Variants in AGBL1 observed in about 807,000 individuals in gnomAD.
AGBL1 encodes cytosolic carboxypeptidase 4.
Under a neutral mutation model 118.9 loss-of-function variants are expected in AGBL1, and 130 were observed. The observed-to-expected ratio is 1.09, with a 90% CI of 0.95 to 1.26. AGBL1 has a LOEUF of 1.26. AGBL1 is among the 50% of genes most tolerant of loss of function. The pLI, the probability that AGBL1 is intolerant of heterozygous loss-of-function variation, is 0.00. For synonymous variants in AGBL1, 555 were observed against 478.9 expected (o/e 1.16, Z -2.08); for missense variants, 1,584 against 1,298.1 (o/e 1.22, Z -3.38).
chr15:86,919,020 T>G (rs1183139974), downstream of AGBL1, among the ~76,000 whole-genome samples: 1 of 152,220 alleles, frequency 6.6e-6, no homozygotes, highest in Non-Finnish European at 1.5e-5. Context: ...AGTACTACTT[T>G]GAAGGCTGTG....
chr15:86,964,448 T>C lies in AGBL1; in HGVS notation c.3222-23539T>C, dbSNP rs181303951. 6.8e-4 allele frequency among the ~76,000 whole-genome samples: 104 copies of C among 151,990 alleles called. 1 individual carries two copies. Among genetic ancestry groups the C allele is most frequent in the Admixed American group, 1.7e-3 (26 of 15,246 alleles). Reference sequence around the variant, plus strand: ...AAAAATGTGTCCAGACATGGCCAAATGTCTCCTGGGAGAAAATCATCCCTG... The same window carrying C: ...AAAAATGTGTCCAGACATGGCCAAACGTCTCCTGGGAGAAAATCATCCCTG... On this transcript the variant is annotated intron_variant, in intron 23 of 24. Coordinates refer to the AGBL1 transcript ENST00000441037.
In AGBL1 at chr15:86,915,598, T is replaced by G. The variant is rs2080410247; in HGVS notation, c.*8304T>G. 6.6e-6 allele frequency: 1 copy of G among 152,164 alleles called. No individual in the cohort carries two copies. Among genetic ancestry groups the G allele is most frequent in the African/African-American group, 2.4e-5 (1 of 41,402 alleles). 9.4% of individuals were successfully genotyped at this position (152,164 alleles called of 1,614,324 possible). A position where few individuals can be genotyped will look rare whatever the true frequency, so the allele number is the denominator to read the frequency against. ...TGGAGAAACCCAGTCACAGCTTTTG[T>G]TGTATGGCATTGCCTGTGGACTTTG... On this transcript the variant is annotated 3_prime_UTR_variant, in exon 23 of 23. Transcript: ENST00000614907.
intron 9 of AGBL1, among the ~76,000 whole-genome samples, chr15:86,258,879 G>A (rs1303456916): frequency 6.6e-6 from 1 of 152,070 alleles, no homozygotes; most frequent in Admixed American, 6.5e-5. Flanking sequence ...GCTAATTTTT[G>A]TATTTTTAGT....
At chr15:86,279,571 C>G in intron 15 of AGBL1, 68 bp from the exon 16 acceptor site, 1 of 1,491,794 alleles carries the variant, frequency 6.7e-7, no homozygotes, top group Non-Finnish European at 9.3e-7. Context: ...CATCTAGGAC[C>G]CTAAATGACC....
rs886285183 is a variant in AGBL1 at position 86,142,006 on chromosome 15, C to A, written c.54C>A (p.Ser18Arg). Residue 18 changes from serine to arginine, a missense_variant and splice_region_variant, in exon 2 of 23, where the codon AGC (serine) becomes AGA (arginine). Ser to Arg is a moderately radical substitution (Grantham distance 110). Transcript: ENST00000614907. The part of the protein sequence containing the change: ...GLQVLLHTLQ[S>R]SSDKESILTI... ...GGCTGCCTGTGTTCTCATTGCAGAG[C>A]TCCTCTGACAAGGAGTCCATCCTGA... is the stretch of plus-strand genomic sequence containing the variant. The A allele has an allele frequency of 2.6e-6, 4 of 1,549,918 alleles. No homozygotes were observed. Among genetic ancestry groups the A allele is most frequent in the Non-Finnish European group, 3.5e-6 (4 of 1,146,668 alleles).
chr15:86,610,531 C>T (rs966889361), intron 21 of AGBL1, among the ~76,000 whole-genome samples: 3 of 152,012 alleles, frequency 2.0e-5, no homozygotes, highest in African/African-American at 7.2e-5. Context: ...CTGTTCTGCC[C>T]CAGGGAGAAA....
At chr15:86,970,467 A>G (rs1206167656) in intron 23 of AGBL1, among the ~76,000 whole-genome samples, 2 of 151,968 alleles carry the variant, frequency 1.3e-5, no homozygotes, top group East Asian at 3.9e-4. Flanking sequence ...TATATTAATA[A>G]GTCAGTTTTA....
Position 86,175,566 on chromosome 15 carries a change from T to C in AGBL1, c.488+16540T>C, listed in dbSNP as rs1045734189. Among the ~76,000 whole-genome samples the C allele has an allele frequency of 2.0e-5, 3 of 152,116 alleles. No homozygotes were observed. The East Asian group carries it at 5.8e-4, about 29-fold the overall frequency. On this transcript the variant is annotated intron_variant, in intron 5 of 22. Coordinates refer to ENST00000614907, the MANE Select transcript of AGBL1 (RefSeq NM_001386094.1). Reference sequence around the variant, plus strand: ...TTTGGGTTTGGTTTGTTCTTGCTTTTCTAGTTCCTTGAGGTGCATCACTAA... The same window carrying C: ...TTTGGGTTTGGTTTGTTCTTGCTTTCCTAGTTCCTTGAGGTGCATCACTAA...
At chr15:86,678,251 G>T (rs1369426118) in intron 22 of AGBL1, among the ~76,000 whole-genome samples, 1 of 152,014 alleles carries the variant, frequency 6.6e-6, no homozygotes, top group Non-Finnish European at 1.5e-5. Flanking sequence ...TTTTACCTAT[G>T]GATAAATAGA....
chr15:86,402,558 T>G (rs1382554387), intron 18 of AGBL1, among the ~76,000 whole-genome samples: 1 of 152,176 alleles, frequency 6.6e-6, no homozygotes, highest in Non-Finnish European at 1.5e-5. Flanking sequence ...CTGTGTGTTG[T>G]CTGATCAGTA....
At chr15:86,826,439 A>G (rs1389373513) in intron 22 of AGBL1, among the ~76,000 whole-genome samples, 1 of 152,150 alleles carries the variant, frequency 6.6e-6, no homozygotes, top group Non-Finnish European at 1.5e-5. Flanking sequence ...AAAATTTACC[A>G]TCTGATAATA....
chr15:86,115,822 C>T (rs551634755), intron 1 of AGBL1, among the ~76,000 whole-genome samples: 11 of 152,274 alleles, frequency 7.2e-5, no homozygotes, highest in Admixed American at 2.0e-4. Flanking sequence ...CCTGACTTTT[C>T]CATGAAACTC....
intron 18 of AGBL1, among the ~76,000 whole-genome samples, chr15:86,456,655 TA>T (rs1033681078): frequency 6.6e-6 from 1 of 152,214 alleles, no homozygotes; most frequent in Non-Finnish European, 1.5e-5. Flanking sequence ...AGAGGTCTGA[TA>T]AAAGCTGCAC....
intron 18 of AGBL1, among the ~76,000 whole-genome samples, chr15:86,479,928 C>A (rs1316003589): frequency 6.6e-6 from 1 of 152,148 alleles, no homozygotes; most frequent in East Asian, 1.9e-4. Context: ...AATTCATATC[C>A]TTTGTAGGGA....
rs1039802729 is a variant in AGBL1 at position 86,911,404 on chromosome 15, C to T, written c.*4110C>T. On this transcript the variant is annotated 3_prime_UTR_variant, in exon 23 of 23. Coordinates refer to ENST00000614907, the MANE Select transcript of AGBL1 (RefSeq NM_001386094.1). ...CCCTCAAGGGTGGAAACTACTGACC[C>T]CTTCGTAACACTTCCCTCTGGCAAG... The T allele has an allele frequency of 5.3e-5, 8 of 152,138 alleles. No homozygotes were observed. Among genetic ancestry groups the T allele is most frequent in the African/African-American group, 1.7e-4 (7 of 41,358 alleles). The allele number at this position is 152,138 out of a possible 1,614,324, so 9.4% of individuals were successfully genotyped here.
At chr15:86,565,549 G>A (rs1273894881) in intron 21 of AGBL1, among the ~76,000 whole-genome samples, 1 of 152,226 alleles carries the variant, frequency 6.6e-6, no homozygotes, top group Non-Finnish European at 1.5e-5. Flanking sequence ...CTACTGGGGG[G>A]TGCCTCCCAG....
At chr15:86,577,206 A>G (rs989011656) in intron 21 of AGBL1, among the ~76,000 whole-genome samples, 7 of 152,186 alleles carry the variant, frequency 4.6e-5, no homozygotes, top group African/African-American at 1.2e-4. Flanking sequence ...GTGGTCTCAC[A>G]TGGAGATGAG....
intron 5 of AGBL1, among the ~76,000 whole-genome samples, chr15:86,200,622 CT>C (rs36103083): frequency 6.8e-4 from 56 of 81,890 alleles, no homozygotes; most frequent in Admixed American, 5.6e-4. Context: ...TTTTCTTTTT[CT>C]TTTTTTTTTT....
intron 18 of AGBL1, among the ~76,000 whole-genome samples, chr15:86,403,390 TAAGTA>T (rs2081476952): frequency 6.6e-6 from 1 of 152,148 alleles, no homozygotes; most frequent in African/African-American, 2.4e-5. Context: ...GACTCCACTA[TAAGTA>T]AATACACCAA....
Sources: gnomAD v4.1 joint callset for allele counts (sites outside exome capture counted in the v4.1 genomes callset) on GRCh38, gnomAD v4.1.1 for gene constraint, MANE v1.5 for transcripts, NCBI Gene and HGNC (gene_info 2026-07-23, HGNC 2026-07-21) for gene names.